The following TANC2 variants were observed in gnomAD, a reference collection of about 807,000 sequenced individuals.
The protein encoded by TANC2 is tetratricopeptide repeat, ankyrin repeat and coiled-coil containing 2.
In TANC2, 26 loss-of-function variants were observed where a neutral mutation model predicts 210.5. That is an observed-to-expected ratio of 0.12 (90% CI 0.09 to 0.17). TANC2 has a LOEUF of 0.17. Ranked by LOEUF, TANC2 falls within the 10% of genes least tolerant of loss-of-function variation. The probability of loss-of-function intolerance (pLI) is 1.00; values close to 1 mark genes in which losing one functional copy is unlikely to be tolerated. For synonymous variants in TANC2, 931 were observed against 967.1 expected (o/e 0.96, Z 0.69); for missense variants, 2,129 against 2,608.9 (o/e 0.82, Z 4.01).
intron 1 of TANC2, among the ~76,000 whole-genome samples, chr17:62,971,600 G>A (rs1330138881): frequency 6.6e-6 from 1 of 152,196 alleles, no homozygotes; most frequent in African/African-American, 2.4e-5. Context: ...AAAGTGCTGG[G>A]ATTACAGGTG....
chr17:63,415,979 G>A (rs561112978), intron 26 of TANC2, among the ~76,000 whole-genome samples: 13 of 152,242 alleles, frequency 8.5e-5, no homozygotes, highest in Admixed American at 5.2e-4. Context: ...CTGGTCTTTG[G>A]GAAAATGTGA....
chr17:62,981,928 C>T (rs983536387), intron 1 of TANC2, among the ~76,000 whole-genome samples: 7 of 152,030 alleles, frequency 4.6e-5, no homozygotes, highest in African/African-American at 1.2e-4. Context: ...GATGTCTTCT[C>T]CCTGTGGAGT....
intron 1 of TANC2, among the ~76,000 whole-genome samples, chr17:62,999,203 C>G (rs1020345443): frequency 1.3e-5 from 2 of 152,168 alleles, no homozygotes; most frequent in Admixed American, 6.5e-5. Flanking sequence ...GCACCTCCCC[C>G]CAACACACAC....
intron 9 of TANC2, among the ~76,000 whole-genome samples, chr17:63,289,949 C>A (rs112842258): frequency 2.2e-3 from 342 of 152,106 alleles, no homozygotes; most frequent in African/African-American, 8.0e-3. Flanking sequence ...TCCTTCCCCC[C>A]CTTCAGTGGG....
intron 2 of TANC2, among the ~76,000 whole-genome samples, chr17:63,013,910 A>AT (rs1024789317): frequency 1.4e-4 from 20 of 147,120 alleles, no homozygotes; most frequent in Admixed American, 5.4e-4. Context: ...TTTTTCTCTC[A>AT]TTTTTTTTTC....
At chr17:63,012,682 T>G (rs1298570879) in intron 2 of TANC2, among the ~76,000 whole-genome samples, 1 of 152,160 alleles carries the variant, frequency 6.6e-6, no homozygotes, top group African/African-American at 2.4e-5. Flanking sequence ...GACAGGGTTT[T>G]GCTCTGTCAC....
At chr17:63,240,547 T>A (rs1443157020) in intron 8 of TANC2, among the ~76,000 whole-genome samples, 1 of 152,190 alleles carries the variant, frequency 6.6e-6, no homozygotes, top group Non-Finnish European at 1.5e-5. Context: ...CCAGAACTGT[T>A]GTACTTCCCT....
intron 6 of TANC2, among the ~76,000 whole-genome samples, chr17:63,200,188 T>G (rs1454657395): frequency 1.3e-5 from 2 of 151,762 alleles, no homozygotes; most frequent in East Asian, 3.9e-4. Context: ...AAACCCCATC[T>G]CTACTAAAAA....
Position 63,410,842 on chromosome 17 carries a change from C to T in TANC2, c.3590-669C>T, listed in dbSNP as rs1333617675. Among the ~76,000 whole-genome samples, 4 of 105,580 alleles carry T rather than the reference C, an allele frequency of 3.8e-5. No homozygotes were observed. The Admixed American group carries it at 4.7e-4, about 12-fold the overall frequency. 69.3% of individuals were successfully genotyped at this position (105,580 alleles called of 152,430 possible). ...GGCCACTGCACTCCAGCCAGGGCAA[C>T]GGAGCAAGACTCCATCTCAAAAAAA... On this transcript the variant is annotated intron_variant, in intron 21 of 27. Coordinates refer to ENST00000689528, the Ensembl canonical transcript of TANC2.
chr17:63,307,846 A>G (rs567360845), intron 9 of TANC2, among the ~76,000 whole-genome samples: 1 of 152,284 alleles, frequency 6.6e-6, no homozygotes, highest in South Asian at 2.1e-4. Context: ...GCTCACTGCA[A>G]TCTCTGCCTC....
chr17:63,249,043 A>T (rs2042988480), intron 8 of TANC2, among the ~76,000 whole-genome samples: 1 of 152,158 alleles, frequency 6.6e-6, no homozygotes, highest in Non-Finnish European at 1.5e-5. Context: ...AAAGACTCCA[A>T]CTAGTGAAGT....
At chr17:63,127,669 GA>G (rs2038759720) in intron 4 of TANC2, among the ~76,000 whole-genome samples, 1 of 152,114 alleles carries the variant, frequency 6.6e-6, no homozygotes, top group Non-Finnish European at 1.5e-5. Context: ...AAACTGGCAG[GA>G]TTTTATACTC....
intron 5 of TANC2, among the ~76,000 whole-genome samples, chr17:63,163,361 G>GTC: frequency 6.6e-6 from 1 of 152,180 alleles, no homozygotes; most frequent in African/African-American, 2.4e-5. Flanking sequence ...ACTGAGGCCA[G>GTC]AAGATCATCT....
At chr17:63,227,864 C>T (rs1230012135) in intron 7 of TANC2, among the ~76,000 whole-genome samples, 1 of 151,786 alleles carries the variant, frequency 6.6e-6, no homozygotes, top group Non-Finnish European at 1.5e-5. Context: ...ATTTATTTTT[C>T]ATTTATTTAT....
chr17:63,095,361 G>A (rs992272107), intron 3 of TANC2, among the ~76,000 whole-genome samples: 1 of 152,026 alleles, frequency 6.6e-6, no homozygotes, highest in Non-Finnish European at 1.5e-5. Context: ...TGTAGAGACA[G>A]TGTCTTACAT....
intron 12 of TANC2, among the ~76,000 whole-genome samples, chr17:63,347,627 G>C (rs957339329): frequency 1.3e-5 from 2 of 152,082 alleles, no homozygotes; most frequent in African/African-American, 4.8e-5. Context: ...ATTTTTCACA[G>C]TACTTTAAAG....
chr17:63,324,197 A>G (rs948052476), intron 11 of TANC2, among the ~76,000 whole-genome samples: 2 of 152,244 alleles, frequency 1.3e-5, no homozygotes, highest in Non-Finnish European at 2.9e-5. Flanking sequence ...AGAAGCTAAC[A>G]TATCTGAAAT....
At chr17:63,124,060 T>G (rs1280442268) in intron 4 of TANC2, among the ~76,000 whole-genome samples, 1 of 152,188 alleles carries the variant, frequency 6.6e-6, no homozygotes, top group African/African-American at 2.4e-5. Context: ...AAATATTTCA[T>G]AAGAATTTAC....
chr17:63,346,037 A>G (rs2046397489), intron 12 of TANC2, among the ~76,000 whole-genome samples: 1 of 152,232 alleles, frequency 6.6e-6, no homozygotes, highest in Non-Finnish European at 1.5e-5. Flanking sequence ...AATTCTTGTC[A>G]TCAGATGGTA....
Sources: allele counts gnomAD v4.1 joint callset (sites outside exome capture counted in the v4.1 genomes callset), GRCh38; gene constraint gnomAD v4.1.1; transcripts MANE v1.5; gene names NCBI Gene and HGNC (gene_info 2026-07-23, HGNC 2026-07-21).